The following C1R variants were observed in gnomAD, a reference collection of about 807,000 sequenced individuals.
The protein encoded by C1R is complement C1r, also known as complement C1r subcomponent.
In C1R, 15 loss-of-function variants were observed where a neutral mutation model predicts 27.6. The observed-to-expected ratio is 0.54, with a 90% CI of 0.36 to 0.84. C1R has a LOEUF of 0.84. Ranked by LOEUF, C1R falls within the 40% of genes least tolerant of loss-of-function variation. C1R has a pLI of 0.01. For missense variants in C1R, 544 were observed against 577.9 expected (o/e 0.94, Z 0.60); for synonymous variants, 253 against 228.8 (o/e 1.11, Z -0.95).
chr12:7,080,975 C>T lies in C1R; in HGVS notation c.1675G>A (p.Ala559Thr), dbSNP rs776015455. The T allele has an allele frequency of 8.7e-6, 14 of 1,613,860 alleles. No individual in the cohort carries two copies. In the South Asian group the frequency reaches 8.8e-5, roughly 10 times the overall value. ...ACACTATTTTCCAGCTCCAGCAGGG[C>T]GATGTCCCCCTCAAAATTGTAGGAC... Reference protein sequence around the residue: ...DESYNFEGDIALLELENSVTL... With the variant: ...DESYNFEGDITLLELENSVTL... The change falls in exon 11 of 11, where the codon GCC becomes ACC. Residue 559 changes from alanine (A) to threonine (T), a missense_variant. Coordinates refer to ENST00000647956, the MANE Select transcript of C1R (RefSeq NM_001733.7). The surrounding 1 kb of genome is among the most constrained non-coding windows in gnomAD (Gnocchi z 4.9).
rs1565632237 is a variant in C1R at position 7,092,380 on chromosome 12, T to TA, written c.2+6dup. 1.3e-6 allele frequency: 1 copy of TA among 780,862 alleles called. No homozygotes were observed. The highest frequency in any genetic ancestry group is 1.7e-5 in the Admixed American group (1 of 59,030). 48.4% of individuals were successfully genotyped at this position (780,862 alleles called of 1,614,324 possible). A position where few individuals can be genotyped will look rare whatever the true frequency, so the allele number is the denominator to read the frequency against. ...CTCCCACCTGGTTGCCCATCACCCTTACTCACATTTCTCAAGGCCCGTGTT... is the reference window on the plus strand; with the variant it reads ...CTCCCACCTGGTTGCCCATCACCCTTAACTCACATTTCTCAAGGCCCGTGTT... On this transcript the variant is annotated splice_region_variant and intron_variant, in intron 1 of 10. Transcript: ENST00000647956.
In C1R at chr12:7,089,655, T is replaced by C. The variant is rs773663621; in HGVS notation, c.503A>G (p.Tyr168Cys). The change falls in exon 4 of 11, where the codon TAC (tyrosine) becomes TGC (cysteine). Residue 168 changes from tyrosine to cysteine, a missense_variant. By Grantham distance (194) the Tyr-to-Cys change is radical (BLOSUM62 -2). This residue lies in a region of C1R where 291 missense variants were observed against 209.0 expected (regional missense o/e 1.39). Coordinates refer to ENST00000647956, the MANE Select transcript of C1R (RefSeq NM_001733.7). ...QPQCQHLCHN[Y>C]VGGYFCSCRP... ...GCAGGAACAGAAGTAGCCTCCAACG[T>C]AGTTGTGACACAGGTGCTGGCACTG... 2 of 780,830 alleles carry C rather than the reference T, an allele frequency of 2.6e-6. No individual in the cohort carries two copies. Among genetic ancestry groups the C allele is most frequent in the South Asian group, 2.7e-5 (2 of 74,620 alleles). 48.4% of individuals were successfully genotyped at this position (780,830 alleles called of 1,614,324 possible).
intron 8 of C1R, 136 bp from the exon 9 acceptor site, chr12:7,086,152 T>C (rs1236968772): frequency 1.3e-5 from 5 of 397,602 alleles, no homozygotes; most frequent in African/African-American, 1.0e-4. Context: ...GCCCTTGCAA[T>C]GGACAGGAGT....
In C1R at chr12:7,081,037, C is replaced by A. The variant is rs1334659221; in HGVS notation, c.1613G>T (p.Arg538Leu). Residue 538 changes from arginine (R) to leucine (L), a missense_variant, in exon 11 of 11, where the codon CGC (arginine) becomes CTC (leucine). Physicochemically the swap from Arg to Leu is moderately radical, Grantham distance 102. Around this residue, in one of 2 missense-constraint regions of C1R, gnomAD observed 253 missense variants for 368.9 expected, o/e 0.69. Transcript: ENST00000647956. ...GTAGTCCGGGTGGACGCTGACCCTG[C>A]GGATGGGGTGATTTCCTAGCTTCAT... ...ELMKLGNHPI[R>L]RVSVHPDYRQ... The A allele has an allele frequency of 6.2e-7, 1 of 1,614,028 alleles. No homozygotes were observed.
At chr12:7,082,560 T>C (rs992464302) in intron 9 of C1R, among the ~76,000 whole-genome samples, 1 of 152,152 alleles carries the variant, frequency 6.6e-6, no homozygotes, top group Non-Finnish European at 1.5e-5. Flanking sequence ...CTCGATCTCC[T>C]GACCTCGTGA....
At chr12:7,086,517 G>T in intron 7 of C1R, 60 bp from the exon 8 acceptor site, 3 of 398,140 alleles carry the variant, frequency 7.5e-6, no homozygotes, top group Non-Finnish European at 1.3e-5. Flanking sequence ...TCCCCTTCCT[G>T]CCCTTTCCAC....
chr12:7,086,147 T>G (rs1938153042), intron 8 of C1R, 131 bp from the exon 9 acceptor site: 1 of 397,612 alleles, frequency 2.5e-6, no homozygotes, highest in African/African-American at 2.1e-5. Context: ...GGAGGGCCCT[T>G]GCAATGGACA....
In C1R at chr12:7,089,732, G is replaced by C. The variant is rs147288661; in HGVS notation, c.426C>G (p.Asp142Glu). ...KGFLAYYQAV[D>E]LDECASRSKS... ...TGCTCCGGGAAGCACATTCATCAAG[G>C]TCTGGAAGGCATTCAGGAAGGAGGG... Residue 142 changes from aspartate to glutamate, a missense_variant and splice_region_variant, in exon 4 of 11, where the codon GAC becomes GAG. This residue lies in a region of C1R where 291 missense variants were observed against 209.0 expected (regional missense o/e 1.39). Coordinates refer to ENST00000647956, the MANE Select transcript of C1R (RefSeq NM_001733.7). 1.3e-6 allele frequency: 1 copy of C among 780,678 alleles called. No individual in the cohort carries two copies. The highest frequency in any genetic ancestry group is 1.3e-5 in the South Asian group (1 of 74,602). 48.4% of individuals were successfully genotyped at this position (780,678 alleles called of 1,614,324 possible).
chr12:7,086,547 C>T, intron 7 of C1R, 90 bp from the exon 8 acceptor site: 1 of 396,584 alleles, frequency 2.5e-6, no homozygotes, highest in African/African-American at 2.1e-5. Context: ...GGAGGCAATA[C>T]CAAGACATCT....
intron 1 of C1R, chr12:7,092,077 C>T: frequency 5.2e-6 from 3 of 578,760 alleles, no homozygotes; most frequent in Non-Finnish European, 6.2e-6. Context: ...CTGGGAGAAA[C>T]CATCTGTGGA....
rs747200926 is a variant in C1R at position 7,088,704 on chromosome 12, A to G, written c.944T>C (p.Leu315Pro). 9.0e-6 allele frequency: 7 copies of G among 776,456 alleles called. No homozygotes were observed. In the African/African-American group the frequency reaches 1.2e-4, roughly 13 times the overall value. 48.1% of individuals were successfully genotyped at this position (776,456 alleles called of 1,614,324 possible). A position where few individuals can be genotyped will look rare whatever the true frequency, so the allele number is the denominator to read the frequency against. ...EIIKCPQPKT[L>P]DEFTIIQNLQ... is the part of the protein sequence containing the mutation. ...GTTCTGGATGATGGTGAACTCGTCT[A>G]GGGTCTTGGGCTGGGGGCACTTGAT... The change falls in exon 7 of 11, where the codon CTA becomes CCA. Residue 315 changes from leucine to proline, a missense_variant. By Grantham distance (98) the Leu-to-Pro change is moderately conservative (BLOSUM62 -3). This residue lies in a region of C1R where 291 missense variants were observed against 209.0 expected (regional missense o/e 1.39). Coordinates refer to ENST00000647956, the MANE Select transcript of C1R (RefSeq NM_001733.7).
At position 7,091,955 on chromosome 12, in the gene C1R, C is replaced by T. The variant is rs995265116; in HGVS notation, c.3-275G>A. The stretch of plus-strand genomic sequence containing the variant: ...TCCAGCCTCCTCCCCTGCCCGGACG[C>T]GTCCCTCCCCTCCCCTTCCAGGAAT... On this transcript the variant is annotated intron_variant, in intron 1 of 10. Transcript: ENST00000647956. This position sits in a 1 kb window ranked among gnomAD's most constrained non-coding sequence, Gnocchi z 5.1. 25 of 621,308 alleles carry T rather than the reference C, an allele frequency of 4.0e-5. No individual in the cohort carries two copies. The highest frequency in any genetic ancestry group is 1.8e-4 in the East Asian group (6 of 33,542). The allele number at this position is 621,308 out of a possible 1,614,324, so 38.5% of individuals were successfully genotyped here. A position where few individuals can be genotyped will look rare whatever the true frequency, so the allele number is the denominator to read the frequency against.
At position 7,092,092 on chromosome 12, in the gene C1R, G is replaced by C; in HGVS notation, c.2+295C>G. Reference sequence around the variant, plus strand: ...CTGGGAGAAACCATCTGTGGAGTGGGGGACACAGGCACAGAGTGTCCCGTC... The same window carrying C: ...CTGGGAGAAACCATCTGTGGAGTGGCGGACACAGGCACAGAGTGTCCCGTC... On this transcript the variant is annotated intron_variant, in intron 1 of 10. Transcript: ENST00000647956. 5.2e-6 allele frequency: 3 copies of C among 582,238 alleles called. No homozygotes were observed. The South Asian group carries it at 5.9e-5, about 12-fold the overall frequency. 36.1% of individuals were successfully genotyped at this position (582,238 alleles called of 1,614,324 possible). A position where few individuals can be genotyped will look rare whatever the true frequency, so the allele number is the denominator to read the frequency against.
chr12:7,082,515 T>G (rs904352560), intron 9 of C1R, among the ~76,000 whole-genome samples: 81 of 152,162 alleles, frequency 5.3e-4, no homozygotes, highest in African/African-American at 1.6e-3. Context: ...GTATTTTTAG[T>G]AGAGACAGGG....
At position 7,081,279 on chromosome 12, in the gene C1R, G is replaced by A. The variant is rs202051484; in HGVS notation, c.1371C>T (p.Pro457=). ...CGATGATGCGCTGCCTCTGTTCCAC[G>A]GGGTTCACGGGCTTCCCACACACTG... ...CLPVCGKPVN[P]VEQRQRIIGG... The change falls in exon 11 of 11, where the codon CCC becomes CCT. Residue 457 remains proline (P), a synonymous_variant. Coordinates refer to ENST00000647956, the MANE Select transcript of C1R (RefSeq NM_001733.7). The A allele has an allele frequency of 5.0e-6, 8 of 1,610,740 alleles. No homozygotes were observed. The highest frequency in any genetic ancestry group is 2.2e-5 in the South Asian group (2 of 90,430).
intron 9 of C1R, among the ~76,000 whole-genome samples, chr12:7,085,506 T>C (rs1166676832): frequency 6.6e-6 from 1 of 151,950 alleles, no homozygotes; most frequent in African/African-American, 2.4e-5. Context: ...ATGGCGGTGA[T>C]GGTGGTGATT....
At chr12:7,088,210 C>T (rs2135742406) in intron 7 of C1R, among the ~76,000 whole-genome samples, 1 of 152,322 alleles carries the variant, frequency 6.6e-6, no homozygotes, top group Non-Finnish European at 1.5e-5. Context: ...AGTTCTTAAA[C>T]TTGGCTGTGC....
chr12:7,086,109 T>G (rs957931317), intron 8 of C1R, 93 bp from the exon 9 acceptor site: 10 of 398,150 alleles, frequency 2.5e-5, no homozygotes, highest in African/African-American at 1.4e-4. Context: ...CAGAGCAGGC[T>G]CAGAAGCTTA....
At chr12:7,085,035 ATCATGGTATTGTTGACAGTGGTGTTGG>A (rs1938123337) in intron 9 of C1R, among the ~76,000 whole-genome samples, 2 of 131,086 alleles carry the variant, frequency 1.5e-5, no homozygotes, top group African/African-American at 6.3e-5. Context: ...GGTGGTGGTG[ATCATGGTATTGTTGACAGTGGTGTTGG>A]TAATGATAGT....
Sources: gnomAD v4.1 joint callset for allele counts (sites outside exome capture counted in the v4.1 genomes callset) on GRCh38, gnomAD v4.1.1 for gene constraint, gnomAD v4.1.1 regional missense constraint, Gnocchi (gnomAD v3.1) non-coding constraint, MANE v1.5 for transcripts, NCBI Gene and HGNC (gene_info 2026-07-23, HGNC 2026-07-21) for gene names.